The following HOXC4 variants were observed in gnomAD, a reference collection of about 807,000 sequenced individuals.
HOXC4 encodes homeobox protein Hox-C4.
In HOXC4, 15 loss-of-function variants were observed where a neutral mutation model predicts 25.5. The observed-to-expected ratio is 0.59, with a 90% confidence interval of 0.39 to 0.91. HOXC4 has a LOEUF of 0.91. Ranked by LOEUF, HOXC4 falls within the 40% of genes least tolerant of loss-of-function variation. The pLI is 0.00. For synonymous variants in HOXC4, 165 were observed against 148.0 expected (o/e 1.11, Z -0.83); for missense variants, 342 against 352.4 (o/e 0.97, Z 0.24).
chr12:54,050,108 C>T (rs144406629), upstream of HOXC4, among the ~76,000 whole-genome samples: 638 of 152,168 alleles, frequency 4.2e-3, 5 homozygotes, highest in African/African-American at 0.015. Flanking sequence ...GAGAGGGGTA[C>T]GATTTTAATG....
chr12:54,028,267 A>ATTT (rs926541390), intron 1 of HOXC4: 6 of 75,596 alleles, frequency 7.9e-5, no homozygotes, highest in African/African-American at 2.3e-4. Flanking sequence ...ATATATATAT[A>ATTT]TTTTTTAAAA....
At chr12:54,030,122 A>T (rs1030404980) in intron 1 of HOXC4, 1 of 642,498 alleles carries the variant, frequency 1.6e-6, no homozygotes. Context: ...TCAGCTCTGG[A>T]CCCCCTCCCT....
At chr12:54,034,586 G>A in intron 1 of HOXC4, 1 of 1,068,980 alleles carries the variant, frequency 9.4e-7, no homozygotes, top group Non-Finnish European at 1.4e-6. Context: ...TCGGGTCGGG[G>A]GCAGGTGCTG....
intron 1 of HOXC4, among the ~76,000 whole-genome samples, chr12:54,018,707 A>T (rs1232388446): frequency 1.3e-5 from 2 of 151,930 alleles, no homozygotes; most frequent in African/African-American, 4.8e-5. Context: ...TTCTGTTTAT[A>T]AACGGCGACG....
chr12:54,033,131 C>A (rs772544143), intron 1 of HOXC4: 1 of 1,605,056 alleles, frequency 6.2e-7, no homozygotes, highest in South Asian at 1.1e-5. Context: ...CCATGAGCTC[C>A]TACGTAGCCA....
chr12:54,017,869 C>A (rs574155713), intron 1 of HOXC4, among the ~76,000 whole-genome samples: 119 of 152,288 alleles, frequency 7.8e-4, no homozygotes, highest in African/African-American at 2.7e-3. Context: ...CCCCCAACCC[C>A]CAAACAAACT....
chr12:54,037,565 C>T (rs748848508), intron 1 of HOXC4, among the ~76,000 whole-genome samples: 10 of 152,210 alleles, frequency 6.6e-5, no homozygotes, highest in Admixed American at 1.3e-4. Context: ...ACCTCGAAGG[C>T]GACAGGTCCT....
intron 1 of HOXC4, chr12:54,033,399 C>G (rs755599934): frequency 1.2e-6 from 2 of 1,611,636 alleles, no homozygotes; most frequent in South Asian, 2.2e-5. Flanking sequence ...CGAAGCGGCT[C>G]CTCTGAACCC....
At chr12:54,032,491 C>T (rs1354053695) in intron 1 of HOXC4, among the ~76,000 whole-genome samples, 1 of 152,238 alleles carries the variant, frequency 6.6e-6, no homozygotes, top group African/African-American at 2.4e-5. Flanking sequence ...CATAGGCCAC[C>T]TTACCTAACT....
intron 1 of HOXC4, among the ~76,000 whole-genome samples, chr12:54,035,913 G>C (rs916355829): frequency 1.3e-5 from 2 of 152,190 alleles, no homozygotes; most frequent in Non-Finnish European, 2.9e-5. Context: ...TAAGATACTG[G>C]GGAAGAGGGA....
chr12:54,022,156 AC>A (rs1020748644), intron 1 of HOXC4: 2 of 151,690 alleles, frequency 1.3e-5, no homozygotes, highest in African/African-American at 4.8e-5. Flanking sequence ...AGTTGAGCCC[AC>A]CCCCATCAAC....
At chr12:54,033,694 TC>T in intron 1 of HOXC4, 1 of 864,882 alleles carries the variant, frequency 1.2e-6, no homozygotes, top group African/African-American at 1.7e-5. Context: ...CATCAATGGC[TC>T]GTAAAACTGT....
chr12:54,043,595 C>G (rs543316946), intron 1 of HOXC4, among the ~76,000 whole-genome samples: 1 of 151,718 alleles, frequency 6.6e-6, no homozygotes, highest in Admixed American at 6.6e-5. Flanking sequence ...ACCCCACCCC[C>G]ACCCCTCAAG....
chr12:54,038,632 T>G (rs1941224902), intron 1 of HOXC4, among the ~76,000 whole-genome samples: 1 of 152,164 alleles, frequency 6.6e-6, no homozygotes, highest in African/African-American at 2.4e-5. Context: ...CCTCCGTAGT[T>G]TGGCATCTTA....
intron 1 of HOXC4, among the ~76,000 whole-genome samples, chr12:54,042,472 T>C (rs1042889660): frequency 7.9e-5 from 12 of 151,026 alleles, no homozygotes; most frequent in African/African-American, 2.7e-4. Flanking sequence ...GGAAAAGAGA[T>C]TTTGTGAGTG....
At chr12:54,033,533 G>C in intron 1 of HOXC4, 1 of 1,597,864 alleles carries the variant, frequency 6.3e-7, no homozygotes, top group African/African-American at 1.3e-5. Flanking sequence ...CACCGGCCCC[G>C]CCACAGATTT....
chr12:54,033,485 G>T (rs1215884607), intron 1 of HOXC4: 1 of 1,594,502 alleles, frequency 6.3e-7, no homozygotes, highest in Non-Finnish European at 8.5e-7. Flanking sequence ...TCAAAGAGGA[G>T]CAGGCGCAGA....
intron 1 of HOXC4, among the ~76,000 whole-genome samples, chr12:54,035,939 T>G (rs1232453031): frequency 1.3e-5 from 2 of 152,178 alleles, no homozygotes; most frequent in Non-Finnish European, 2.9e-5. Context: ...GAGGACAATC[T>G]GCAGTGTGTA....
At chr12:54,038,398 T>G (rs891609833) in intron 1 of HOXC4, among the ~76,000 whole-genome samples, 3 of 152,196 alleles carry the variant, frequency 2.0e-5, no homozygotes, top group Admixed American at 6.5e-5. Flanking sequence ...AAAATGCCTC[T>G]GGGGCCCACT....
Sources: allele counts gnomAD v4.1 joint callset (sites outside exome capture counted in the v4.1 genomes callset), GRCh38; gene constraint gnomAD v4.1.1; transcripts MANE v1.5; gene names NCBI Gene and HGNC (gene_info 2026-07-23, HGNC 2026-07-21).